The following RABGGTB variants were observed in gnomAD, a reference collection of about 807,000 sequenced individuals.
The protein encoded by RABGGTB is geranylgeranyl transferase type-2 subunit beta.
RABGGTB carries 20 observed loss-of-function variants against 44.5 expected under a neutral mutation model. The ratio of observed to expected loss-of-function variants is 0.45; its 90% confidence interval spans 0.32 to 0.65. RABGGTB has a LOEUF of 0.65. Ranked by LOEUF, RABGGTB falls within the 30% of genes least tolerant of loss-of-function variation. RABGGTB has a pLI of 0.05. For synonymous variants in RABGGTB, 128 were observed against 136.7 expected (o/e 0.94, Z 0.44); for missense variants, 302 against 398.7 (o/e 0.76, Z 2.06).
intron 7 of RABGGTB, 73 bp from the exon 8 acceptor site, chr1:75,794,011 C>T: frequency 1.2e-6 from 1 of 837,462 alleles, no homozygotes; most frequent in Non-Finnish European, 1.7e-6. Context: ...TGAGACTTAA[C>T]CCACTTTTAA....
In RABGGTB at chr1:75,791,526, C is replaced by T. The variant is rs149155185; in HGVS notation, c.534C>T (p.Asp178=). The T allele has an allele frequency of 1.1e-5, 18 of 1,612,674 alleles. No individual in the cohort carries two copies. Among genetic ancestry groups the T allele is most frequent in the Middle Eastern group, 1.8e-4 (1 of 5,422 alleles). ...IEFVLSCMNF[D]GGFGCRPGSE... is the part of the protein sequence containing the mutation. ...TTGTTTTATCCTGTATGAACTTTGA[C>T]GGTGGATTTGGTTGCAGACCAGGTT... Residue 178 remains aspartate (D), a synonymous_variant, in exon 6 of 9, where the codon GAC becomes GAT. Transcript: ENST00000319942.
chr1:75,787,090 A>G (rs1187784025), intron 1 of RABGGTB: 2 of 525,554 alleles, frequency 3.8e-6, no homozygotes. Context: ...ATGAGTTGGC[A>G]TGTATTCTGA....
chr1:75,792,131 T>G (rs770293704), intron 6 of RABGGTB, 50 bp from the exon 7 acceptor site: 3 of 1,511,788 alleles, frequency 2.0e-6, no homozygotes, highest in Admixed American at 1.7e-5. Context: ...TTTATCACTT[T>G]TAATGTCAAG....
At position 75,790,182 on chromosome 1, in the gene RABGGTB, T is replaced by C. The variant is rs1295789717; in HGVS notation, c.415+125T>C. 13 of 1,491,912 alleles carry C rather than the reference T, an allele frequency of 8.7e-6. No homozygotes were observed. In the East Asian group the frequency reaches 1.2e-4, roughly 14 times the overall value. The allele number at this position is 1,491,912 out of a possible 1,614,324, so 92.4% of individuals were successfully genotyped here. On this transcript the variant is annotated intron_variant, in intron 4 of 8. Coordinates refer to ENST00000319942, the MANE Select transcript of RABGGTB (RefSeq NM_004582.4). ...ACTAAGCAGCTGGTCTAACTGGAGT[T>C]AATGGTCTGCTGGAACTTCCAGCAT...
At chr1:75,786,247 C>G (rs1317413949), upstream of RABGGTB, 9 of 1,614,036 alleles carry the variant, frequency 5.6e-6, no homozygotes, top group Non-Finnish European at 7.6e-6. Context: ...GGAACTGACC[C>G]TGCTCTCTCC....
intron 1 of RABGGTB, 96 bp downstream of exon 1, chr1:75,786,370 G>A (rs1204616435): frequency 1.3e-6 from 2 of 1,531,388 alleles, no homozygotes; most frequent in African/African-American, 2.7e-5. Flanking sequence ...TGGTTTCCTG[G>A]TGCTGGAGAA....
intron 7 of RABGGTB, 190 bp from the exon 8 acceptor site, chr1:75,793,890 AATTG>A (rs753273308): frequency 5.8e-6 from 3 of 515,256 alleles, no homozygotes; most frequent in Non-Finnish European, 6.6e-6. Context: ...CTTACCCATT[AATTG>A]ATTATCTTTC....
At chr1:75,791,678 C>A (rs1001005787) in intron 6 of RABGGTB, 107 bp downstream of exon 6, 6 of 939,160 alleles carry the variant, frequency 6.4e-6, no homozygotes, top group South Asian at 3.2e-5. Flanking sequence ...AAAGTTAATT[C>A]GACTGTAATA....
chr1:75,790,354 TTA>T lies in RABGGTB; in HGVS notation c.415+298_415+299del, dbSNP rs1491145474. Reference sequence around the variant, plus strand: ...CTACTTGCTGGAAAGGGAAAAATATTTAAAAAAAAAAACTTTACAAACTTGCT... The same window carrying T: ...CTACTTGCTGGAAAGGGAAAAATATTAAAAAAAAAACTTTACAAACTTGCT... On this transcript the variant is annotated intron_variant, in intron 4 of 8. Coordinates refer to ENST00000319942, the MANE Select transcript of RABGGTB (RefSeq NM_004582.4). The T allele has an allele frequency of 9.7e-6, 11 of 1,129,292 alleles. No homozygotes were observed. In the South Asian group the frequency reaches 1.2e-4, roughly 12 times the overall value. The allele number at this position is 1,129,292 out of a possible 1,614,324, so 70.0% of individuals were successfully genotyped here. A position where few individuals can be genotyped will look rare whatever the true frequency, so the allele number is the denominator to read the frequency against.
Position 75,792,185 on chromosome 1 carries a change from ATTG to A in RABGGTB, c.588_590del (p.Cys197del). 1 of 1,604,456 alleles carries A rather than the reference ATTG, an allele frequency of 6.2e-7. No individual in the cohort carries two copies. Among genetic ancestry groups the A allele is most frequent in the Non-Finnish European group, 8.5e-7 (1 of 1,171,254 alleles). Reference sequence around the variant, plus strand: ...ACTTTATGTCTGTAATTTTAGATCTATTGTTGCACAGGATTTCTGGCAATTACA... The same window carrying A: ...ACTTTATGTCTGTAATTTTAGATCTATTGCACAGGATTTCTGGCAATTACA... On this transcript the variant is annotated inframe_deletion, in exon 7 of 9. Transcript: ENST00000319942.
intron 4 of RABGGTB, among the ~76,000 whole-genome samples, chr1:75,790,905 A>T (rs1383897227): frequency 2.0e-5 from 3 of 152,068 alleles, no homozygotes; most frequent in African/African-American, 7.3e-5. Context: ...GGCCACCAAA[A>T]GTGCTGGGAT....
At chr1:75,794,339 G>GTT (rs200600135) in intron 8 of RABGGTB, 106 bp downstream of exon 8, 5 of 1,366,370 alleles carry the variant, frequency 3.7e-6, no homozygotes, top group African/African-American at 2.9e-5. Flanking sequence ...TTTGAAAGCA[G>GTT]TTTTTTTTTC....
intron 2 of RABGGTB, chr1:75,788,066 T>C (rs773330902): frequency 1.5e-5 from 6 of 395,808 alleles, no homozygotes; most frequent in Non-Finnish European, 3.0e-5. Context: ...AGTAAATGTT[T>C]TTCCCTGTAG....
chr1:75,789,704 G>A (rs1481196900), intron 3 of RABGGTB: 1 of 572,418 alleles, frequency 1.7e-6, no homozygotes, highest in Non-Finnish European at 3.1e-6. Flanking sequence ...TTGTGTGGAT[G>A]TGAGTTAGTA....
chr1:75,791,389 AT>A (rs35837562), intron 5 of RABGGTB, 52 bp downstream of exon 5: 44,609 of 1,313,044 alleles, frequency 0.034, 59 homozygotes, highest in African/African-American at 0.08. Context: ...ATACTCTGGA[AT>A]TTTTTTTTTT....
At chr1:75,787,112 A>C (rs772125704) in intron 1 of RABGGTB, 1 of 533,802 alleles carries the variant, frequency 1.9e-6, no homozygotes, top group Non-Finnish European at 3.7e-6. Context: ...TCTAAAGTTG[A>C]TTATTACTAC....
At chr1:75,788,175 CTA>C (rs915932254) in intron 2 of RABGGTB, 3 of 273,432 alleles carry the variant, frequency 1.1e-5, no homozygotes, top group African/African-American at 4.4e-5. Flanking sequence ...TGAAAATACT[CTA>C]TTAGCAATCA....
At position 75,794,140 on chromosome 1, in the gene RABGGTB, A is replaced by G. The variant is rs184984454; in HGVS notation, c.762A>G (p.Arg254=). The G allele has an allele frequency of 6.2e-7, 1 of 1,613,914 alleles. No individual in the cohort carries two copies. The highest frequency in any genetic ancestry group is 8.5e-7 in the Non-Finnish European group (1 of 1,179,826). The part of the protein sequence containing the change: ...WVLASLKIIG[R]LHWIDREKLR... Reference sequence around the variant, plus strand: ...TGGCTTCCCTAAAGATAATTGGAAGACTTCATTGGATTGATAGAGAGAAAC... The same window carrying G: ...TGGCTTCCCTAAAGATAATTGGAAGGCTTCATTGGATTGATAGAGAGAAAC... Residue 254 remains arginine (R), a synonymous_variant, in exon 8 of 9, where the codon AGA becomes AGG. Transcript: ENST00000319942.
chr1:75,786,491 A>G (rs372784616), intron 1 of RABGGTB, among the ~76,000 whole-genome samples: 3 of 152,196 alleles, frequency 2.0e-5, no homozygotes, highest in East Asian at 3.9e-4. Flanking sequence ...CTTCTTCTGT[A>G]GGGAGGGCCT....
Sources: allele counts gnomAD v4.1 joint callset (sites outside exome capture counted in the v4.1 genomes callset), GRCh38; gene constraint gnomAD v4.1.1; transcripts MANE v1.5; gene names NCBI Gene and HGNC (gene_info 2026-07-23, HGNC 2026-07-21).